The following CDK5RAP1 variants were observed in gnomAD, a reference collection of about 807,000 sequenced individuals.
CDK5RAP1 encodes the protein mitochondrial tRNA methylthiotransferase CDK5RAP1.
In CDK5RAP1, 62 loss-of-function variants were observed where a neutral mutation model predicts 64.5. The observed-to-expected ratio is 0.96, with a 90% CI of 0.78 to 1.19. CDK5RAP1 has a LOEUF of 1.19. CDK5RAP1 is among the 50% of genes most tolerant of loss of function. The probability of loss-of-function intolerance (pLI) is 0.00; values close to 1 mark genes in which losing one functional copy is unlikely to be tolerated. For synonymous variants in CDK5RAP1, 250 were observed against 261.9 expected, an observed-to-expected ratio of 0.95 and a Z score of 0.44; for missense variants, 657 against 735.0, an observed-to-expected ratio of 0.89 and a Z score of 1.23.
chr20:33,375,410 A>G (rs1220523933), intron 8 of CDK5RAP1, among the ~76,000 whole-genome samples: 1 of 149,202 alleles, frequency 6.7e-6, no homozygotes, highest in African/African-American at 2.6e-5. Flanking sequence ...TCAAAAAAAA[A>G]AAAAAAAGAA....
At chr20:33,383,847 G>A (rs1243853645) in intron 7 of CDK5RAP1, among the ~76,000 whole-genome samples, 1 of 151,468 alleles carries the variant, frequency 6.6e-6, no homozygotes, top group Non-Finnish European at 1.5e-5. Context: ...GGGAGGTGGA[G>A]GCTGCAGTGA....
chr20:33,386,543 T>C (rs901695090), intron 6 of CDK5RAP1, among the ~76,000 whole-genome samples: 8 of 152,190 alleles, frequency 5.3e-5, no homozygotes, highest in Non-Finnish European at 1.0e-4. Context: ...GAATTCTACA[T>C]TTCTCACGCC....
chr20:33,382,918 C>T (rs1195207908), intron 7 of CDK5RAP1, among the ~76,000 whole-genome samples: 6 of 151,586 alleles, frequency 4.0e-5, no homozygotes, highest in African/African-American at 1.5e-4. Context: ...CAGTGGCTCA[C>T]ACCTGTAATC....
intron 1 of CDK5RAP1, 70 bp downstream of exon 1, chr20:33,401,358 G>A: frequency 2.1e-6 from 2 of 972,726 alleles, no homozygotes; most frequent in African/African-American, 1.8e-5. Flanking sequence ...CCCGGGATCC[G>A]CGGCCCCTCC....
chr20:33,385,196 C>T (rs1568713121), intron 7 of CDK5RAP1, among the ~76,000 whole-genome samples: 1 of 152,220 alleles, frequency 6.6e-6, no homozygotes, highest in African/African-American at 2.4e-5. Flanking sequence ...TGAGCTGGCT[C>T]AGTGATAAAA....
chr20:33,389,626 G>T (rs1224305109), intron 5 of CDK5RAP1, among the ~76,000 whole-genome samples: 1 of 151,710 alleles, frequency 6.6e-6, no homozygotes, highest in Non-Finnish European at 1.5e-5. Flanking sequence ...CGTCCAGGAG[G>T]TGGGGGGCGC....
At chr20:33,382,618 T>A (rs112154860) in intron 7 of CDK5RAP1, among the ~76,000 whole-genome samples, 4,057 of 152,042 alleles carry the variant, frequency 0.027, 79 homozygotes, top group Middle Eastern at 0.065. Flanking sequence ...GAGGTGGAGG[T>A]TGCAGTGAGC....
At position 33,396,785 on chromosome 20, in the gene CDK5RAP1, C is replaced by T; in HGVS notation, c.280G>A (p.Glu94Lys). ...CCTTTTCTCTGCCTTCCAAGAAGTT[C>T]ATCCATCATGAGATAGGGAGGTGGG... ...EDPPPYLMMD[E>K]LLGRQRKVYL... The change falls in exon 2 of 14, where the codon GAA becomes AAA. Residue 94 changes from glutamate (E) to lysine (K), a missense_variant. Physicochemically the swap from Glu to Lys is moderately conservative, Grantham distance 56. Coordinates refer to ENST00000346416, the MANE Select transcript of CDK5RAP1 (RefSeq NM_016408.4). 1 of 1,613,426 alleles carries T rather than the reference C, an allele frequency of 6.2e-7. No homozygotes were observed. The highest frequency in any genetic ancestry group is 8.5e-7 in the Non-Finnish European group (1 of 1,179,580).
At chr20:33,369,150 G>T (rs1158391225) in intron 11 of CDK5RAP1, among the ~76,000 whole-genome samples, 1 of 149,658 alleles carries the variant, frequency 6.7e-6, no homozygotes, top group Non-Finnish European at 1.5e-5. Flanking sequence ...AAAAAAAAAA[G>T]AATTTCTCTG....
At chr20:33,398,284 G>A (rs1989081901) in intron 1 of CDK5RAP1, among the ~76,000 whole-genome samples, 1 of 152,062 alleles carries the variant, frequency 6.6e-6, no homozygotes, top group East Asian at 1.9e-4. Context: ...CTTCAGGCCA[G>A]GAGTTCGAGA....
At chr20:33,373,244 A>G (rs1191317917) in intron 9 of CDK5RAP1, 4 of 108,184 alleles carry the variant, frequency 3.7e-5, no homozygotes, top group Non-Finnish European at 5.8e-5. Context: ...GTGTGTGTGT[A>G]GGGACTGGGT....
intron 5 of CDK5RAP1, among the ~76,000 whole-genome samples, chr20:33,388,522 C>T (rs1600782852): frequency 1.5e-5 from 2 of 133,624 alleles, no homozygotes; most frequent in East Asian, 2.3e-4. Flanking sequence ...CTCCCTCTCC[C>T]TCTCCCTCTC....
intron 7 of CDK5RAP1, among the ~76,000 whole-genome samples, chr20:33,380,946 G>A (rs1021652376): frequency 6.6e-6 from 1 of 152,170 alleles, no homozygotes; most frequent in African/African-American, 2.4e-5. Context: ...GCTGCAGTGA[G>A]CCGAGACCAT....
At chr20:33,394,157 T>C (rs1988642235) in intron 3 of CDK5RAP1, 91 bp from the exon 4 acceptor site, 2 of 917,504 alleles carry the variant, frequency 2.2e-6, no homozygotes, top group African/African-American at 1.7e-5. Context: ...TTTATTATTT[T>C]TTTTTCCTTT....
At chr20:33,392,560 C>G (rs894994563) in intron 4 of CDK5RAP1, among the ~76,000 whole-genome samples, 4 of 150,468 alleles carry the variant, frequency 2.7e-5, no homozygotes, top group Admixed American at 6.7e-5. Context: ...TCCAATGTGG[C>G]CCAGGGAAGT....
intron 5 of CDK5RAP1, among the ~76,000 whole-genome samples, chr20:33,388,023 G>A (rs1196276765): frequency 5.3e-5 from 8 of 149,832 alleles, no homozygotes; most frequent in South Asian, 2.1e-4. Flanking sequence ...GGCCAAGATC[G>A]CACCATTGTA....
intron 9 of CDK5RAP1, 61 bp downstream of exon 9, chr20:33,374,054 T>C (rs291676): frequency 0.17 from 198,083 of 1,132,858 alleles, 19,460 homozygotes; most frequent in East Asian, 0.38. Context: ...ACAAGGACAC[T>C]GTTTGGTCAT....
intron 12 of CDK5RAP1, among the ~76,000 whole-genome samples, chr20:33,363,885 C>A (rs531389484): frequency 6.6e-6 from 1 of 151,780 alleles, no homozygotes; most frequent in African/African-American, 2.4e-5. Flanking sequence ...GGAGACAGAA[C>A]GAGAGACTTT....
chr20:33,370,850 A>G (rs1227282471), intron 10 of CDK5RAP1, among the ~76,000 whole-genome samples: 1 of 152,212 alleles, frequency 6.6e-6, no homozygotes, highest in African/African-American at 2.4e-5. Flanking sequence ...TCCCCTAAGC[A>G]CTAGAAAAGG....
Sources: allele counts gnomAD v4.1 joint callset (sites outside exome capture counted in the v4.1 genomes callset), GRCh38; gene constraint gnomAD v4.1.1; transcripts MANE v1.5; gene names NCBI Gene and HGNC (gene_info 2026-07-23, HGNC 2026-07-21).